PRICKLE2: variants seen among roughly 807,000 people sequenced by gnomAD.
PRICKLE2 encodes prickle planar cell polarity protein 2.
A neutral mutation model predicts 81.4 loss-of-function variants in PRICKLE2; 21 were observed. The observed-to-expected ratio is 0.26, with a 90% CI of 0.18 to 0.37. The LOEUF is 0.37. PRICKLE2 is among the 10% of genes least tolerant of loss of function. PRICKLE2 has a pLI of 1.00. For missense variants in PRICKLE2, 940 were observed against 1,109.0 expected, an observed-to-expected ratio of 0.85 and a Z score of 2.16; for synonymous variants, 456 against 421.5, an observed-to-expected ratio of 1.08 and a Z score of -1.00.
chr3:64,255,727 A>C (rs1559606558), intron 2 of PRICKLE2, among the ~76,000 whole-genome samples: 1 of 152,196 alleles, frequency 6.6e-6, no homozygotes, highest in East Asian at 1.9e-4. Context: ...TTTTCATCTA[A>C]GCACACTCAC....
chr3:64,167,746 C>T (rs1405867571), intron 2 of PRICKLE2, among the ~76,000 whole-genome samples: 1 of 152,100 alleles, frequency 6.6e-6, no homozygotes, highest in Non-Finnish European at 1.5e-5. Flanking sequence ...AAGAAGTGTG[C>T]AAAGCACTTT....
chr3:64,188,583 T>C (rs2078278328), intron 2 of PRICKLE2, among the ~76,000 whole-genome samples: 1 of 152,214 alleles, frequency 6.6e-6, no homozygotes, highest in Non-Finnish European at 1.5e-5. Context: ...GCAGACCAAA[T>C]CTGGGTAATC....
intron 7 of PRICKLE2, among the ~76,000 whole-genome samples, chr3:64,133,572 G>A (rs1392816989): frequency 6.6e-6 from 1 of 151,898 alleles, no homozygotes; most frequent in Non-Finnish European, 1.5e-5. Context: ...TCTCTGTGAA[G>A]TTAATTGATA....
chr3:64,189,314 C>T (rs1426664588), intron 2 of PRICKLE2, among the ~76,000 whole-genome samples: 1 of 152,136 alleles, frequency 6.6e-6, no homozygotes, highest in Non-Finnish European at 1.5e-5. Context: ...AAGATGAATT[C>T]CTTAGTCACT....
chr3:64,229,354 G>A (rs1294429254), upstream of PRICKLE2, among the ~76,000 whole-genome samples: 5 of 152,174 alleles, frequency 3.3e-5, no homozygotes, highest in Admixed American at 1.3e-4. Flanking sequence ...GGAAGGGTAA[G>A]TGACAGGAAG....
intron 2 of PRICKLE2, among the ~76,000 whole-genome samples, chr3:64,165,096 T>A (rs1002941656): frequency 1.3e-5 from 2 of 152,200 alleles, no homozygotes; most frequent in Admixed American, 1.3e-4. Flanking sequence ...TAATATGAGA[T>A]GAATTACTAT....
intron 2 of PRICKLE2, among the ~76,000 whole-genome samples, chr3:64,243,634 T>C (rs527772460): frequency 1.3e-5 from 2 of 152,310 alleles, no homozygotes; most frequent in South Asian, 4.1e-4. Context: ...TGGGGACAGA[T>C]AATAGTATTC....
intron 7 of PRICKLE2, among the ~76,000 whole-genome samples, chr3:64,120,551 AGT>A (rs937831996): frequency 1.4e-4 from 21 of 152,158 alleles, no homozygotes; most frequent in African/African-American, 4.8e-4. Flanking sequence ...GAAGCATGCA[AGT>A]CGCCCAGGGA....
intron 1 of PRICKLE2, among the ~76,000 whole-genome samples, chr3:64,211,251 T>C (rs906854859): frequency 1.3e-4 from 20 of 152,196 alleles, no homozygotes; most frequent in Non-Finnish European, 2.6e-4. Flanking sequence ...GCCGAAATAC[T>C]TGTGGCAGTC....
intron 7 of PRICKLE2, among the ~76,000 whole-genome samples, chr3:64,130,277 T>C (rs1460797705): frequency 6.6e-6 from 1 of 152,062 alleles, no homozygotes; most frequent in Non-Finnish European, 1.5e-5. Flanking sequence ...TACTTTTGAG[T>C]GTTTACTGTG....
intron 2 of PRICKLE2, among the ~76,000 whole-genome samples, chr3:64,194,868 C>T (rs888921712): frequency 6.6e-6 from 1 of 151,832 alleles, no homozygotes; most frequent in African/African-American, 2.4e-5. Context: ...ATAGTGAGAC[C>T]CCCTTCTGTA....
chr3:64,267,956 C>G (rs704421), intron 2 of PRICKLE2: 131,268 of 152,318 alleles, frequency 0.86, 57,045 homozygotes, highest in East Asian at 0.99. Context: ...CGGGAAACTG[C>G]GGGGGAGCCG....
At chr3:64,191,817 C>G (rs1370484119) in intron 2 of PRICKLE2, among the ~76,000 whole-genome samples, 2 of 152,198 alleles carry the variant, frequency 1.3e-5, no homozygotes, top group Non-Finnish European at 2.9e-5. Flanking sequence ...TCCCACTGGA[C>G]CAGGCTGTTT....
In PRICKLE2 at chr3:64,138,304, A is replaced by G. The variant is rs184308716; in HGVS notation, c.1660+8526T>C. On this transcript the variant is annotated intron_variant, in intron 7 of 7. Transcript: ENST00000638394. Reference sequence around the variant, plus strand: ...ACATGACTCAGGTCTGACATACCAGAGCTATCATTCTCCTGGCCACAGTGG... The same window carrying G: ...ACATGACTCAGGTCTGACATACCAGGGCTATCATTCTCCTGGCCACAGTGG... Among the ~76,000 whole-genome samples the G allele has an allele frequency of 2.4e-4, 37 of 152,300 alleles. 1 individual carries two copies. The highest frequency in any genetic ancestry group is 8.4e-4 in the African/African-American group (35 of 41,568).
At chr3:64,196,091 C>T (rs1001763064) in intron 2 of PRICKLE2, among the ~76,000 whole-genome samples, 1 of 152,190 alleles carries the variant, frequency 6.6e-6, no homozygotes, top group African/African-American at 2.4e-5. Flanking sequence ...GTCAAGGGAC[C>T]TCCAAAAATA....
At chr3:64,155,134 G>GTTTTTTT (rs2077609468) in intron 5 of PRICKLE2, 1 of 118,656 alleles carries the variant, frequency 8.4e-6, no homozygotes, top group African/African-American at 3.1e-5. Context: ...GGGTGACAGA[G>GTTTTTTT]TGAGACTCTG....
At chr3:64,151,594 G>A (rs1376672047) in intron 6 of PRICKLE2, among the ~76,000 whole-genome samples, 1 of 152,156 alleles carries the variant, frequency 6.6e-6, no homozygotes, top group African/African-American at 2.4e-5. Context: ...GGGTATTGTT[G>A]CCATGGGCTG....
chr3:64,157,316 G>C lies in PRICKLE2; in HGVS notation c.446C>G (p.Ala149Gly). ...CGGGTGCCAGCAAACGCCGTGGCCA[G>C]CGCGTGACGCAAACACAGCGATGTC... ...GGDIAVFASR[A>G]GHGVCWHPPC... is the part of the protein sequence containing the mutation. The change falls in exon 5 of 8, where the codon GCT becomes GGT. Residue 149 changes from alanine (A) to glycine (G), a missense_variant. Around this residue, in one of 2 missense-constraint regions of PRICKLE2, gnomAD observed 270 missense variants for 391.8 expected, o/e 0.69. Transcript: ENST00000638394. 6.2e-7 allele frequency: 1 copy of C among 1,613,936 alleles called. No homozygotes were observed. Among genetic ancestry groups the C allele is most frequent in the Non-Finnish European group, 8.5e-7 (1 of 1,180,040 alleles).
chr3:64,102,691 C>G (rs1266969758), intron 7 of PRICKLE2: 1 of 152,208 alleles, frequency 6.6e-6, no homozygotes, highest in Non-Finnish European at 1.5e-5. Context: ...TGGCCCCAGT[C>G]TGTGGAAAAA....
Sources: allele counts gnomAD v4.1 joint callset (sites outside exome capture counted in the v4.1 genomes callset), GRCh38; gene constraint gnomAD v4.1.1; regional missense constraint gnomAD v4.1.1; transcripts MANE v1.5; gene names NCBI Gene and HGNC (gene_info 2026-07-23, HGNC 2026-07-21).